SGCD: variants seen among roughly 807,000 people sequenced by gnomAD.
The protein encoded by SGCD is delta-sarcoglycan.
SGCD carries 18 observed loss-of-function variants against 36.6 expected under a neutral mutation model. That is an observed-to-expected ratio of 0.49 (90% CI 0.34 to 0.73). SGCD has a LOEUF of 0.73. Ranked by LOEUF, SGCD falls within the 30% of genes least tolerant of loss-of-function variation. The probability of loss-of-function intolerance (pLI) is 0.01; values close to 1 mark genes in which losing one functional copy is unlikely to be tolerated. For missense variants in SGCD, 387 were observed against 346.7 expected, an observed-to-expected ratio of 1.12 and a Z score of -0.92; for synonymous variants, 133 against 130.6, an observed-to-expected ratio of 1.02 and a Z score of -0.12.
intron 1 of SGCD, among the ~76,000 whole-genome samples, chr5:156,109,672 C>T (rs1200211426): frequency 6.6e-6 from 1 of 152,128 alleles, no homozygotes; most frequent in African/African-American, 2.4e-5. Flanking sequence ...AATCTCTCTT[C>T]CCCTCTTATG....
At chr5:155,844,275 T>G in the SGCD span, among the ~76,000 whole-genome samples, 1 of 152,226 alleles carries the variant, frequency 6.6e-6, no homozygotes, top group African/African-American at 2.4e-5. Context: ...TTTTGAATTT[T>G]TTAAAAATAA....
chr5:156,419,776 C>T (rs1321605132), intron 3 of SGCD, among the ~76,000 whole-genome samples: 2 of 152,140 alleles, frequency 1.3e-5, no homozygotes, highest in African/African-American at 4.8e-5. Context: ...AAACATCTTT[C>T]TGCACTAGGA....
chr5:156,102,973 A>G (rs1282505190), intron 1 of SGCD, among the ~76,000 whole-genome samples: 1 of 152,190 alleles, frequency 6.6e-6, no homozygotes, highest in African/African-American at 2.4e-5. Context: ...TGGATTACAC[A>G]GTATTTAGAT....
At chr5:155,785,602 C>T in the SGCD span, among the ~76,000 whole-genome samples, 1 of 152,028 alleles carries the variant, frequency 6.6e-6, no homozygotes, top group Non-Finnish European at 1.5e-5. Context: ...GTTTTAAAAG[C>T]ACAAATTCAA....
Position 156,072,123 on chromosome 5 carries a change from C to A in SGCD, c.-281-45755C>A, listed in dbSNP as rs560783805. 1.9e-3 allele frequency among the ~76,000 whole-genome samples: 284 copies of A among 151,914 alleles called. 2 individuals carry two copies. The highest frequency in any genetic ancestry group is 6.5e-3 in the African/African-American group (267 of 41,268). ...TGTCTTTTAATTGGAGCATTTAGTC[C>A]ATTTACATTTAAAGTTAATATTGTT... On this transcript the variant is annotated intron_variant, in intron 1 of 9. Coordinates refer to the SGCD transcript ENST00000517913.
At chr5:156,547,049 T>G (rs983196013) in intron 4 of SGCD, among the ~76,000 whole-genome samples, 9 of 152,224 alleles carry the variant, frequency 5.9e-5, no homozygotes, top group Admixed American at 2.0e-4. Flanking sequence ...TGTTTACCTA[T>G]TTTGAAGTAG....
At chr5:156,480,226 T>G (rs764221221) in intron 3 of SGCD, among the ~76,000 whole-genome samples, 3 of 152,240 alleles carry the variant, frequency 2.0e-5, no homozygotes, top group South Asian at 2.1e-4. Context: ...CAGACTGTAA[T>G]GGACTGGTAA....
the SGCD span, among the ~76,000 whole-genome samples, chr5:155,853,334 A>G: frequency 6.6e-6 from 1 of 152,086 alleles, no homozygotes; most frequent in Non-Finnish European, 1.5e-5. Flanking sequence ...AAGCAATTTC[A>G]GTAGAAAAAA....
At chr5:156,378,722 C>T (rs1291006501) in intron 3 of SGCD, among the ~76,000 whole-genome samples, 1 of 152,006 alleles carries the variant, frequency 6.6e-6, no homozygotes, top group Non-Finnish European at 1.5e-5. Flanking sequence ...CAATTTTTGT[C>T]ACTGGTGGTG....
intron 1 of SGCD, among the ~76,000 whole-genome samples, chr5:155,942,891 C>T (rs935210186): frequency 6.6e-6 from 1 of 152,134 alleles, no homozygotes; most frequent in African/African-American, 2.4e-5. Context: ...TATGTTCAAC[C>T]ATGTAGAGTA....
At chr5:156,078,884 CTG>C (rs1760872077) in intron 1 of SGCD, among the ~76,000 whole-genome samples, 2 of 151,132 alleles carry the variant, frequency 1.3e-5, no homozygotes, top group South Asian at 2.1e-4. Context: ...AATTTTATCA[CTG>C]TGTAGGTTCA....
chr5:155,859,165 A>G, the SGCD span, among the ~76,000 whole-genome samples: 3 of 151,864 alleles, frequency 2.0e-5, no homozygotes, highest in African/African-American at 4.8e-5. Flanking sequence ...GACTCAGGCA[A>G]TCCTTCCACC....
At chr5:156,345,836 C>G (rs530985588) in intron 3 of SGCD, among the ~76,000 whole-genome samples, 1 of 152,014 alleles carries the variant, frequency 6.6e-6, no homozygotes, top group Non-Finnish European at 1.5e-5. Flanking sequence ...TTCTAAATTA[C>G]AAAGTTCATT....
intron 3 of SGCD, among the ~76,000 whole-genome samples, chr5:156,498,056 C>T (rs1355709747): frequency 6.6e-6 from 1 of 152,122 alleles, no homozygotes; most frequent in Non-Finnish European, 1.5e-5. Flanking sequence ...GGAAACAGAA[C>T]GTTGCCCAGC....
At chr5:156,564,799 C>T (rs1452254247) in intron 4 of SGCD, among the ~76,000 whole-genome samples, 1 of 152,078 alleles carries the variant, frequency 6.6e-6, no homozygotes, top group Non-Finnish European at 1.5e-5. Flanking sequence ...CTCAAAGGTT[C>T]TTCCATGATG....
rs77632372 is a variant in SGCD at position 155,907,751 on chromosome 5, G to T, written c.-282+37327G>T. Among the ~76,000 whole-genome samples, 6 of 152,248 alleles carry T rather than the reference G, an allele frequency of 3.9e-5. No individual in the cohort carries two copies. The South Asian group carries it at 1.2e-3, about 32-fold the overall frequency. On this transcript the variant is annotated intron_variant, in intron 1 of 9. Coordinates refer to the SGCD transcript ENST00000517913. Reference sequence around the variant, plus strand: ...TTCCTTGAAATGGAGCCTACTCCTGGTGAGGATGCTATGAACATTTTTGAA... The same window carrying T: ...TTCCTTGAAATGGAGCCTACTCCTGTTGAGGATGCTATGAACATTTTTGAA...
At position 156,767,738 on chromosome 5, in the gene SGCD, C is replaced by G. The variant is rs1757619885; in HGVS notation, c.*8348C>G. 6.6e-6 allele frequency: 1 copy of G among 152,198 alleles called. No individual in the cohort carries two copies. Among genetic ancestry groups the G allele is most frequent in the East Asian group, 1.9e-4 (1 of 5,178 alleles). The allele number at this position is 152,198 out of a possible 1,614,324, so 9.4% of individuals were successfully genotyped here. ...AAATTTGTATTTAATATTATTTCGA[C>G]CACAGTCTTGTAAAATATATTAATA... is the stretch of plus-strand genomic sequence containing the variant. On this transcript the variant is annotated 3_prime_UTR_variant, in exon 9 of 9. Transcript: ENST00000337851.
rs1581035420 is a variant in SGCD at position 155,999,914 on chromosome 5, A to G, written c.-281-117964A>G. The stretch of plus-strand genomic sequence containing the variant: ...CAAAAGTACAAATGGAGGCCCACCT[A>G]CTATTGGTATGAAGATTTAAACGTT... On this transcript the variant is annotated intron_variant, in intron 1 of 9. Coordinates refer to the SGCD transcript ENST00000517913. Among the ~76,000 whole-genome samples the G allele has an allele frequency of 2.6e-5, 4 of 152,326 alleles. No homozygotes were observed. In the South Asian group the frequency reaches 8.3e-4, roughly 32 times the overall value.
chr5:156,170,062 G>A (rs1031674811), intron 3 of SGCD, among the ~76,000 whole-genome samples: 1 of 152,156 alleles, frequency 6.6e-6, no homozygotes, highest in African/African-American at 2.4e-5. Flanking sequence ...ATTGCAAGGG[G>A]CTTTGCGGCC....
Sources: allele counts gnomAD v4.1 joint callset (sites outside exome capture counted in the v4.1 genomes callset), GRCh38; gene constraint gnomAD v4.1.1; transcripts MANE v1.5; gene names NCBI Gene and HGNC (gene_info 2026-07-23, HGNC 2026-07-21).